CTNNA2: variants seen among roughly 807,000 people sequenced by gnomAD.
CTNNA2 encodes catenin alpha-2.
Under a neutral mutation model 101.0 loss-of-function variants are expected in CTNNA2, and 42 were observed. The ratio of observed to expected loss-of-function variants is 0.42; its 90% CI spans 0.32 to 0.54. The LOEUF (loss-of-function observed/expected upper bound fraction) is 0.54, where lower values mean the gene tolerates loss of function less well. Among genes scored for constraint, CTNNA2 ranks in the 20% least tolerant of loss-of-function variants. The pLI is 0.14. For synonymous variants in CTNNA2, 450 were observed against 456.4 expected (o/e 0.99, Z 0.18); for missense variants, 871 against 1,223.1 (o/e 0.71, Z 4.29).
intron 7 of CTNNA2, among the ~76,000 whole-genome samples, chr2:79,916,315 A>G (rs1457648678): frequency 1.3e-5 from 2 of 152,138 alleles, no homozygotes; most frequent in Non-Finnish European, 2.9e-5. Context: ...CAAGGGGAAG[A>G]GTCCTAATAT....
intron 2 of CTNNA2, among the ~76,000 whole-genome samples, chr2:79,712,679 G>A (rs181319808): frequency 4.5e-4 from 69 of 152,170 alleles, no homozygotes; most frequent in African/African-American, 1.6e-3. Context: ...GTCAGGTAAA[G>A]CAGCTTTTAA....
chr2:79,307,055 A>G (rs1344063885), intron 2 of CTNNA2, among the ~76,000 whole-genome samples: 5 of 151,646 alleles, frequency 3.3e-5, no homozygotes, highest in Non-Finnish European at 7.4e-5. Flanking sequence ...CTCCCACTCC[A>G]TAACTATTTA....
intron 2 of CTNNA2, among the ~76,000 whole-genome samples, chr2:79,281,894 C>G (rs184398403): frequency 0.015 from 2,240 of 152,200 alleles, 24 homozygotes; most frequent in Admixed American, 0.023. Flanking sequence ...GCTATATATC[C>G]AGAAAATAAC....
intron 15 of CTNNA2, among the ~76,000 whole-genome samples, chr2:80,591,870 C>A (rs1164586440): frequency 6.6e-6 from 1 of 152,122 alleles, no homozygotes; most frequent in Non-Finnish European, 1.5e-5. Flanking sequence ...ATAACTTCTT[C>A]ATGGAAGATA....
intron 6 of CTNNA2, among the ~76,000 whole-genome samples, chr2:79,902,181 T>C (rs1685108873): frequency 6.6e-6 from 1 of 152,196 alleles, no homozygotes; most frequent in Admixed American, 6.5e-5. Context: ...GGCTGTTGCA[T>C]TGATTCCCTC....
chr2:79,408,715 T>C (rs1313709408), intron 4 of CTNNA2, among the ~76,000 whole-genome samples: 4 of 152,132 alleles, frequency 2.6e-5, no homozygotes, highest in Non-Finnish European at 5.9e-5. Flanking sequence ...GACATTTGGA[T>C]TGGTTCCAAG....
intron 7 of CTNNA2, among the ~76,000 whole-genome samples, chr2:80,276,084 A>G (rs1573573709): frequency 6.6e-6 from 1 of 152,206 alleles, no homozygotes; most frequent in African/African-American, 2.4e-5. Context: ...TATATTTAAT[A>G]TAACTTGTTG....
intron 18 of CTNNA2, among the ~76,000 whole-genome samples, chr2:80,623,613 T>TTA (rs1308528020): frequency 6.6e-6 from 1 of 151,856 alleles, no homozygotes; most frequent in Non-Finnish European, 1.5e-5. Context: ...ATGATCAGGA[T>TTA]TATCTGCATG....
At chr2:80,521,355 A>C (rs1397617408) in intron 9 of CTNNA2, among the ~76,000 whole-genome samples, 1 of 152,174 alleles carries the variant, frequency 6.6e-6, no homozygotes, top group East Asian at 1.9e-4. Flanking sequence ...TAACTCTTAC[A>C]TGGAACTCTA....
chr2:79,376,271 T>A (rs1037304145), intron 4 of CTNNA2, among the ~76,000 whole-genome samples: 4 of 152,016 alleles, frequency 2.6e-5, no homozygotes, highest in Non-Finnish European at 5.9e-5. Context: ...CTTGCAGAAA[T>A]GAGTAGGAAA....
At chr2:79,750,066 A>G (rs1671914177) in intron 3 of CTNNA2, among the ~76,000 whole-genome samples, 1 of 152,200 alleles carries the variant, frequency 6.6e-6, no homozygotes, top group Admixed American at 6.5e-5. Flanking sequence ...ATGAGTGGAT[A>G]GATGTGCAGC....
At chr2:79,997,842 C>T (rs1341304149) in intron 7 of CTNNA2, among the ~76,000 whole-genome samples, 4 of 152,118 alleles carry the variant, frequency 2.6e-5, no homozygotes, top group Non-Finnish European at 5.9e-5. Context: ...AATCCAATGA[C>T]TAATTCATGG....
intron 7 of CTNNA2, among the ~76,000 whole-genome samples, chr2:80,037,371 T>A (rs900564316): frequency 6.6e-6 from 1 of 152,198 alleles, no homozygotes; most frequent in Non-Finnish European, 1.5e-5. Flanking sequence ...GTCAGTTCAC[T>A]ACTGCAAAAA....
intron 9 of CTNNA2, among the ~76,000 whole-genome samples, chr2:80,425,217 G>A (rs1341558019): frequency 6.6e-5 from 10 of 152,132 alleles, no homozygotes; most frequent in African/African-American, 2.4e-4. Context: ...TGTATTTCTA[G>A]TGGTTCTCAG....
chr2:80,344,627 G>T (rs1314758914), intron 7 of CTNNA2, among the ~76,000 whole-genome samples: 1 of 152,130 alleles, frequency 6.6e-6, no homozygotes, highest in Non-Finnish European at 1.5e-5. Context: ...TGAGACCATG[G>T]CCCTGCGCCA....
intron 7 of CTNNA2, among the ~76,000 whole-genome samples, chr2:80,098,790 T>C (rs1314044663): frequency 1.3e-5 from 2 of 152,208 alleles, no homozygotes; most frequent in Non-Finnish European, 2.9e-5. Context: ...TTCGTGGGCA[T>C]AGGACCCTCT....
chr2:79,663,209 T>C (rs1573607770), intron 2 of CTNNA2, among the ~76,000 whole-genome samples: 1 of 152,160 alleles, frequency 6.6e-6, no homozygotes, highest in East Asian at 1.9e-4. Flanking sequence ...TCCTCTCTCA[T>C]CATGATCAGT....
At chr2:79,893,948 C>T (rs1010138342) in intron 6 of CTNNA2, among the ~76,000 whole-genome samples, 1 of 151,936 alleles carries the variant, frequency 6.6e-6, no homozygotes, top group African/African-American at 2.4e-5. Flanking sequence ...GAAAAATTCT[C>T]TAACTAAATT....
intron 7 of CTNNA2, among the ~76,000 whole-genome samples, chr2:80,262,549 C>G (rs1672688868): frequency 6.6e-6 from 1 of 152,132 alleles, no homozygotes; most frequent in African/African-American, 2.4e-5. Context: ...CTGAGGATTG[C>G]CCATGTGGCT....
Sources: gnomAD v4.1 joint callset for allele counts (sites outside exome capture counted in the v4.1 genomes callset) on GRCh38, gnomAD v4.1.1 for gene constraint, MANE v1.5 for transcripts, NCBI Gene and HGNC (gene_info 2026-07-23, HGNC 2026-07-21) for gene names.